The following TGM6 variants were observed in gnomAD, a reference collection of about 807,000 sequenced individuals.
The protein encoded by TGM6 is transglutaminase 6, also known as protein-glutamine gamma-glutamyltransferase 6.
A neutral mutation model predicts 77.5 loss-of-function variants in TGM6; 74 were observed. The ratio of observed to expected loss-of-function variants is 0.96; its 90% CI spans 0.79 to 1.16. TGM6 has a LOEUF of 1.16. Among genes scored for constraint, TGM6 ranks in the 50% most tolerant of loss-of-function variants. TGM6 has a pLI of 0.00. For synonymous variants in TGM6, 383 were observed against 378.9 expected (o/e 1.01, Z -0.12); for missense variants, 968 against 940.2 (o/e 1.03, Z -0.39).
intron 1 of TGM6, among the ~76,000 whole-genome samples, chr20:2,390,087 G>GT (rs1375087131): frequency 6.6e-6 from 1 of 152,106 alleles, no homozygotes; most frequent in Non-Finnish European, 1.5e-5. Flanking sequence ...CCGCAATCCT[G>GT]TAAGTCCTCT....
chr20:2,397,208 T>C (rs6106625), intron 4 of TGM6, among the ~76,000 whole-genome samples: 2,023 of 152,286 alleles, frequency 0.013, 39 homozygotes, highest in African/African-American at 0.046. Context: ...GTTGGGTCTC[T>C]ACAGTGAGGC....
At chr20:2,411,828 GA>G (rs2084785968) in intron 9 of TGM6, among the ~76,000 whole-genome samples, 1 of 152,146 alleles carries the variant, frequency 6.6e-6, no homozygotes, top group Admixed American at 6.5e-5. Context: ...AAACATAGGA[GA>G]AAAGTTTCAT....
At position 2,432,567 on chromosome 20, in the gene TGM6, T is replaced by G. The variant is rs769857359; in HGVS notation, c.2045T>G (p.Leu682Arg). The G allele has an allele frequency of 1.2e-6, 2 of 1,614,128 alleles. No individual in the cohort carries two copies. Among genetic ancestry groups the G allele is most frequent in the Non-Finnish European group, 1.7e-6 (2 of 1,180,022 alleles). The change falls in exon 13 of 13, where the codon CTG becomes CGG. Residue 682 changes from leucine (L) to arginine (R), a missense_variant. By Grantham distance (102) the Leu-to-Arg change is moderately radical. Coordinates refer to ENST00000202625, the MANE Select transcript of TGM6 (RefSeq NM_198994.3). ...CCCTCCAAAAGTGGCCCAAGGCAGC[T>G]GCAGGTGGACCTTGTAAGCCCTCAC... is the stretch of plus-strand genomic sequence containing the variant. The part of the protein sequence containing the change: ...ITPSKSGPRQ[L>R]QVDLVSPHFP...
intron 9 of TGM6, among the ~76,000 whole-genome samples, chr20:2,416,221 G>T (rs1306498283): frequency 6.6e-6 from 1 of 152,174 alleles, no homozygotes; most frequent in African/African-American, 2.4e-5. Context: ...GTGACAGAGT[G>T]AGATCCTGTC....
At chr20:2,421,745 C>A (rs541344676) in intron 10 of TGM6, among the ~76,000 whole-genome samples, 20 of 152,304 alleles carry the variant, frequency 1.3e-4, no homozygotes, top group African/African-American at 4.8e-4. Context: ...CCAGTCTCTT[C>A]ACAGTGTTTT....
intron 7 of TGM6, 103 bp downstream of exon 7, chr20:2,400,547 C>G (rs2084701090): frequency 6.5e-7 from 1 of 1,541,426 alleles, no homozygotes; most frequent in Admixed American, 1.8e-5. Flanking sequence ...GGCCCAGAGC[C>G]CAGCTCTCCT....
chr20:2,399,166 A>T (rs2084688383), intron 5 of TGM6, among the ~76,000 whole-genome samples: 1 of 151,394 alleles, frequency 6.6e-6, no homozygotes, highest in South Asian at 2.1e-4. Context: ...AAGAATAATG[A>T]AACCTACATT....
chr20:2,383,980 A>G (rs2084575118), intron 1 of TGM6, among the ~76,000 whole-genome samples: 1 of 151,786 alleles, frequency 6.6e-6, no homozygotes, highest in Admixed American at 6.6e-5. Context: ...GGTGGTGGAC[A>G]CCTGTAGTCC....
chr20:2,395,922 T>G (rs138646316), intron 3 of TGM6, among the ~76,000 whole-genome samples: 2,619 of 152,256 alleles, frequency 0.017, 79 homozygotes, highest in African/African-American at 0.059. Flanking sequence ...GGCTCACGCC[T>G]GTAACCCCAG....
chr20:2,381,022 G>C lies in TGM6; in HGVS notation c.7+47G>C, dbSNP rs374226045. 17 of 1,604,942 alleles carry C rather than the reference G, an allele frequency of 1.1e-5. No homozygotes were observed. The African/African-American group carries it at 2.3e-4, about 21-fold the overall frequency. ...CCTTGGGACACCAGGGCTCATGAGG[G>C]GGGCTTCAAGAAACACGGGTCTGTG... On this transcript the variant is annotated intron_variant, in intron 1 of 12. Transcript: ENST00000202625.
intron 10 of TGM6, among the ~76,000 whole-genome samples, chr20:2,418,592 C>G (rs188825511): frequency 1.3e-5 from 2 of 152,296 alleles, no homozygotes; most frequent in East Asian, 3.9e-4. Context: ...TGCACATTTA[C>G]TCAGCTGATG....
At chr20:2,421,725 T>C (rs1362287471) in intron 10 of TGM6, among the ~76,000 whole-genome samples, 1 of 152,232 alleles carries the variant, frequency 6.6e-6, no homozygotes, top group Non-Finnish European at 1.5e-5. Context: ...CCAGGCTGTG[T>C]CCTCTCTTCC....
At chr20:2,430,863 C>T (rs202098200) in intron 11 of TGM6, 31 bp from the exon 12 acceptor site, 147 of 1,613,930 alleles carry the variant, frequency 9.1e-5, no homozygotes, top group Middle Eastern at 1.6e-4. Flanking sequence ...GAGGGGTAGG[C>T]GCGATGGCTC....
chr20:2,394,742 T>C lies in TGM6; in HGVS notation c.181+117T>C, dbSNP rs1021951234. ...AGGCTCTGGGGGAAGCAAGTCACTG[T>C]AGGTAGACGGAGCCTTGAACCCTGG... On this transcript the variant is annotated intron_variant, in intron 2 of 12. Coordinates refer to ENST00000202625, the MANE Select transcript of TGM6 (RefSeq NM_198994.3). 5 of 1,225,516 alleles carry C rather than the reference T, an allele frequency of 4.1e-6. No homozygotes were observed. In the African/African-American group the frequency reaches 7.5e-5, roughly 18 times the overall value. 75.9% of individuals were successfully genotyped at this position (1,225,516 alleles called of 1,614,324 possible). A position where few individuals can be genotyped will look rare whatever the true frequency, so the allele number is the denominator to read the frequency against.
chr20:2,385,709 G>A (rs1192273654), intron 1 of TGM6, among the ~76,000 whole-genome samples: 1 of 152,224 alleles, frequency 6.6e-6, no homozygotes, highest in Non-Finnish European at 1.5e-5. Context: ...GCAGCTGACA[G>A]GGTGTGGGTG....
chr20:2,391,073 G>C (rs2084626372), intron 1 of TGM6, among the ~76,000 whole-genome samples: 2 of 152,070 alleles, frequency 1.3e-5, no homozygotes, highest in Admixed American at 1.3e-4. Flanking sequence ...AGAACAACGA[G>C]TGATCTTAGA....
chr20:2,430,223 A>G (rs905523270), intron 10 of TGM6, among the ~76,000 whole-genome samples: 3 of 152,154 alleles, frequency 2.0e-5, no homozygotes, highest in African/African-American at 7.2e-5. Flanking sequence ...CTCCCACCTC[A>G]TCTTAATTTC....
chr20:2,407,079 T>C (rs760840696), intron 9 of TGM6, among the ~76,000 whole-genome samples: 1 of 152,148 alleles, frequency 6.6e-6, no homozygotes, highest in Non-Finnish European at 1.5e-5. Context: ...GAGAGGCAAG[T>C]TGACCCAGCC....
intron 9 of TGM6, among the ~76,000 whole-genome samples, chr20:2,412,123 A>G (rs980266844): frequency 6.6e-6 from 1 of 152,262 alleles, no homozygotes; most frequent in African/African-American, 2.4e-5. Context: ...AATGTGGTAT[A>G]TACATACAAT....
Sources: gnomAD v4.1 joint callset for allele counts (sites outside exome capture counted in the v4.1 genomes callset) on GRCh38, gnomAD v4.1.1 for gene constraint, MANE v1.5 for transcripts, NCBI Gene and HGNC (gene_info 2026-07-23, HGNC 2026-07-21) for gene names.